Variants in ZRANB2 observed in about 807,000 individuals in gnomAD.
ZRANB2 encodes the protein zinc finger Ran-binding domain-containing protein 2.
A neutral mutation model predicts 53.4 loss-of-function variants in ZRANB2; 19 were observed. The observed-to-expected ratio is 0.36, with a 90% CI of 0.25 to 0.52. The LOEUF (loss-of-function observed/expected upper bound fraction) is 0.52, where lower values mean the gene tolerates loss of function less well. Among genes scored for constraint, ZRANB2 ranks in the 20% least tolerant of loss-of-function variants. ZRANB2 has a pLI of 0.93. For missense variants in ZRANB2, 309 were observed against 401.1 expected (o/e 0.77, Z 1.96); for synonymous variants, 145 against 134.8 (o/e 1.08, Z -0.52).
At chr1:71,066,080 A>T (rs1043917297) in intron 9 of ZRANB2, 3 of 189,892 alleles carry the variant, frequency 1.6e-5, no homozygotes, top group Admixed American at 6.0e-5. Flanking sequence ...AAAATTTGCA[A>T]AGACTACAAA....
rs753183647 is a variant in ZRANB2, at chr1:71,069,303, C to A, written c.743G>T (p.Arg248Leu). The A allele has an allele frequency of 2.5e-6, 4 of 1,612,406 alleles. No individual in the cohort carries two copies. Among genetic ancestry groups the A allele is most frequent in the Non-Finnish European group, 3.4e-6 (4 of 1,179,116 alleles). The change falls in exon 8 of 10, where the codon CGT (arginine) becomes CTT (leucine). Residue 248 changes from arginine to leucine, a missense_variant. Arg to Leu is a moderately radical substitution (Grantham distance 102). Around this residue, in one of 3 missense-constraint regions of ZRANB2, gnomAD observed 211 missense variants for 196.1 expected, o/e 1.08. Coordinates refer to ENST00000370920, the MANE Select transcript of ZRANB2 (RefSeq NM_203350.3). ...QSRSRSSSRE[R>L]SRSRGSKSRS... ...TGATTTCGACCCACGAGATCTCGAA[C>A]GTTCTCTGGAACTGGAACGAGATCT...
intron 8 of ZRANB2, 77 bp downstream of exon 8, chr1:71,069,199 G>A: frequency 8.2e-7 from 1 of 1,217,836 alleles, no homozygotes; most frequent in Non-Finnish European, 1.1e-6. Flanking sequence ...AAAATAAGGG[G>A]AAAAAAAGCA....
intron 1 of ZRANB2, among the ~76,000 whole-genome samples, chr1:71,080,307 T>C (rs1661810318): frequency 6.6e-6 from 1 of 152,094 alleles, no homozygotes; most frequent in South Asian, 2.1e-4. Context: ...GCTGCAGGCA[T>C]CTTAAGGGCT....
intron 4 of ZRANB2, among the ~76,000 whole-genome samples, chr1:71,073,821 C>T (rs796134948): frequency 3.9e-5 from 1 of 25,512 alleles, no homozygotes; most frequent in African/African-American, 1.1e-4. Flanking sequence ...CTGCTGACAA[C>T]AAAGACATTG....
At chr1:71,065,578 A>G (rs2101039154) in intron 9 of ZRANB2, 1 of 1,448,958 alleles carries the variant, frequency 6.9e-7, no homozygotes, top group Non-Finnish European at 9.1e-7. Context: ...GAGAAAATAT[A>G]CTCATAAATA....
At position 71,069,303 on chromosome 1, in the gene ZRANB2, C is replaced by G. The variant is rs753183647; in HGVS notation, c.743G>C (p.Arg248Pro). The G allele has an allele frequency of 2.5e-6, 4 of 1,612,288 alleles. No homozygotes were observed. Among genetic ancestry groups the G allele is most frequent in the Non-Finnish European group, 3.4e-6 (4 of 1,179,124 alleles). The change falls in exon 8 of 10, where the codon CGT (arginine) becomes CCT (proline). Residue 248 changes from arginine to proline, a missense_variant. By Grantham distance (103) the Arg-to-Pro change is moderately radical. Around this residue, in one of 3 missense-constraint regions of ZRANB2, gnomAD observed 211 missense variants for 196.1 expected, o/e 1.08. Transcript: ENST00000370920. ...QSRSRSSSRE[R>P]SRSRGSKSRS... is the part of the protein sequence containing the mutation. ...TGATTTCGACCCACGAGATCTCGAA[C>G]GTTCTCTGGAACTGGAACGAGATCT...
chr1:71,069,549 AT>A lies in ZRANB2; in HGVS notation c.684-188del, dbSNP rs149150166. The A allele has an allele frequency of 1.4e-3, 575 of 421,404 alleles. 6 individuals are homozygous for A. The highest frequency in any genetic ancestry group is 0.011 in the African/African-American group (524 of 48,524). The allele number at this position is 421,404 out of a possible 1,614,324, so 26.1% of individuals were successfully genotyped here. ...TTAGTAACAAAAGGTAATTAAAAAA[AT>A]ATCACTTTCCAGGTGATTAAATTAC... On this transcript the variant is annotated intron_variant, in intron 7 of 9. Transcript: ENST00000370920.
chr1:71,071,836 ATG>A (rs1391237034), intron 6 of ZRANB2, among the ~76,000 whole-genome samples: 2 of 152,084 alleles, frequency 1.3e-5, no homozygotes, highest in African/African-American at 4.8e-5. Context: ...TTATCACATC[ATG>A]TGTCTTCATA....
At position 71,065,091 on chromosome 1, in the gene ZRANB2, T is replaced by A. The variant is rs150149903; in HGVS notation, c.976A>T (p.Ser326Cys). 13 of 1,611,092 alleles carry A rather than the reference T, an allele frequency of 8.1e-6. No homozygotes were observed. In the African/African-American group the frequency reaches 1.7e-4, roughly 22 times the overall value. The change falls in exon 10 of 10, where the codon AGT becomes TGT. Residue 326 changes from serine (S) to cysteine (C), a missense_variant. Ser to Cys is a moderately radical substitution (Grantham distance 112). This residue lies in a region of ZRANB2 where 211 missense variants were observed against 196.1 expected (regional missense o/e 1.08). Coordinates refer to ENST00000370920, the MANE Select transcript of ZRANB2 (RefSeq NM_203350.3). ...TTAATACATTATTTCTTTTTTGAACTTGAACGGGAACCAGAATGGGATGAT... is the reference window on the plus strand; with the variant it reads ...TTAATACATTATTTCTTTTTTGAACATGAACGGGAACCAGAATGGGATGAT... ...SGSSHSGSRS[S>C]SKKK
intron 6 of ZRANB2, among the ~76,000 whole-genome samples, chr1:71,071,817 T>G (rs961388558): frequency 2.0e-5 from 3 of 152,166 alleles, no homozygotes; most frequent in Admixed American, 6.6e-5. Flanking sequence ...CAAAGTTGCT[T>G]TTAAACTGTT....
rs1214264495 is a variant in ZRANB2, at chr1:71,066,853, G to C, written c.852C>G (p.Asn284Lys). The change falls in exon 9 of 10, where the codon AAC becomes AAG. Residue 284 changes from asparagine (N) to lysine (K), a missense_variant. Transcript: ENST00000370920. ...AAGATCTAGAACGACTTCTCTTTCT[G>C]TTCCTCTCAGGAGAAGATGATGAAC... Reference protein sequence around the residue: ...YSSSSSSPERNRKRSRSRSSS... With the variant: ...YSSSSSSPERKRKRSRSRSSS... 1.2e-6 allele frequency: 2 copies of C among 1,612,390 alleles called. No individual in the cohort carries two copies. The highest frequency in any genetic ancestry group is 2.7e-5 in the African/African-American group (2 of 74,952).
In ZRANB2 at chr1:71,069,370, A is replaced by G; in HGVS notation, c.684-8T>C. On this transcript the variant is annotated splice_polypyrimidine_tract_variant and splice_region_variant and intron_variant, in intron 7 of 9. Coordinates refer to ENST00000370920, the MANE Select transcript of ZRANB2 (RefSeq NM_203350.3). ...GAACTTCTTGAACGGGACCTGGAAC[A>G]ACATGGAACGATTTTTTTTTTCCAG... 1 of 1,611,728 alleles carries G rather than the reference A, an allele frequency of 6.2e-7. No individual in the cohort carries two copies. Among genetic ancestry groups the G allele is most frequent in the Non-Finnish European group, 8.5e-7 (1 of 1,178,742 alleles).
chr1:71,075,683 T>A (rs576615585), intron 4 of ZRANB2, among the ~76,000 whole-genome samples: 3 of 150,770 alleles, frequency 2.0e-5, no homozygotes, highest in Admixed American at 2.0e-4. Flanking sequence ...CGGGGGTTGG[T>A]GGGGGCGGTG....
At chr1:71,071,812 T>C (rs1006146338) in intron 6 of ZRANB2, among the ~76,000 whole-genome samples, 2 of 152,152 alleles carry the variant, frequency 1.3e-5, no homozygotes, top group Non-Finnish European at 2.9e-5. Flanking sequence ...AAAACCAAAG[T>C]TGCTTTTAAA....
chr1:71,078,892 A>T (rs1487166559), intron 1 of ZRANB2, among the ~76,000 whole-genome samples, 184 bp from the exon 2 acceptor site: 1 of 152,196 alleles, frequency 6.6e-6, no homozygotes, highest in Non-Finnish European at 1.5e-5. Context: ...GGAGCCACAA[A>T]TTCAGAATAA....
chr1:71,072,642 A>C, intron 4 of ZRANB2, 94 bp from the exon 5 acceptor site: 1 of 893,156 alleles, frequency 1.1e-6, no homozygotes, highest in Non-Finnish European at 1.8e-6. Flanking sequence ...AAAACATCTA[A>C]TCAACAATGG....
chr1:71,066,830 G>A lies in ZRANB2; in HGVS notation c.875C>T (p.Ser292Phe). The change falls in exon 9 of 10, where the codon TCT (serine) becomes TTT (phenylalanine). Residue 292 changes from serine (S) to phenylalanine (F), a missense_variant. Ser to Phe is a radical substitution (Grantham distance 155). Coordinates refer to ENST00000370920, the MANE Select transcript of ZRANB2 (RefSeq NM_203350.3). ...TTTTTTGCGATCACCAGATGAAGAA[G>A]ATCTAGAACGACTTCTCTTTCTGTT... Reference protein sequence around the residue: ...ERNRKRSRSRSSSSGDRKKRR... With the variant: ...ERNRKRSRSRFSSSGDRKKRR... The A allele has an allele frequency of 6.2e-7, 1 of 1,612,422 alleles. No homozygotes were observed.
chr1:71,080,463 T>C (rs1334619294), intron 1 of ZRANB2, among the ~76,000 whole-genome samples: 2 of 151,832 alleles, frequency 1.3e-5, no homozygotes, highest in South Asian at 2.1e-4. Context: ...GGGAAAATAG[T>C]ATGGAGGAAA....
chr1:71,065,656 G>C, intron 9 of ZRANB2: 2 of 1,602,470 alleles, frequency 1.2e-6, no homozygotes, highest in Non-Finnish European at 1.7e-6. Context: ...CATGCAGCTA[G>C]TATGAATAAG....
Sources: gnomAD v4.1 joint callset for allele counts (sites outside exome capture counted in the v4.1 genomes callset) on GRCh38, gnomAD v4.1.1 for gene constraint, gnomAD v4.1.1 regional missense constraint, MANE v1.5 for transcripts, NCBI Gene and HGNC (gene_info 2026-07-23, HGNC 2026-07-21) for gene names.